The following STXBP5L variants were observed in gnomAD, a reference collection of about 807,000 sequenced individuals.
The protein encoded by STXBP5L is syntaxin-binding protein 5-like.
In STXBP5L, 65 loss-of-function variants were observed where a neutral mutation model predicts 144.5. The ratio of observed to expected loss-of-function variants is 0.45; its 90% CI spans 0.37 to 0.55. The LOEUF (loss-of-function observed/expected upper bound fraction) is 0.55. Among genes scored for constraint, STXBP5L ranks in the 20% least tolerant of loss-of-function variants. The pLI, the probability that STXBP5L is intolerant of heterozygous loss-of-function variation, is 0.00. For synonymous variants in STXBP5L, 505 were observed against 469.6 expected (o/e 1.08, Z -0.97); for missense variants, 1,298 against 1,405.5 (o/e 0.92, Z 1.22).
chr3:121,075,709 T>C (rs984559226), intron 5 of STXBP5L, among the ~76,000 whole-genome samples: 23 of 152,308 alleles, frequency 1.5e-4, no homozygotes, highest in Admixed American at 2.0e-4. Flanking sequence ...CTTTCTGATA[T>C]TGGCCTTTTT....
chr3:121,030,427 G>A (rs1946283484), intron 3 of STXBP5L, among the ~76,000 whole-genome samples: 1 of 152,060 alleles, frequency 6.6e-6, no homozygotes, highest in Non-Finnish European at 1.5e-5. Context: ...ACTAACACAG[G>A]AACAGAAAAC....
chr3:121,051,272 C>T (rs1238892356), intron 5 of STXBP5L, among the ~76,000 whole-genome samples: 14 of 152,190 alleles, frequency 9.2e-5, no homozygotes, highest in Non-Finnish European at 2.9e-5. Context: ...CCCAAATCAA[C>T]AGAATATACA....
intron 9 of STXBP5L, among the ~76,000 whole-genome samples, chr3:121,181,604 G>A (rs1344937335): frequency 6.6e-6 from 1 of 152,042 alleles, no homozygotes; most frequent in Non-Finnish European, 1.5e-5. Flanking sequence ...CATGGTCGTA[G>A]ATGCCTGTAG....
intron 22 of STXBP5L, among the ~76,000 whole-genome samples, chr3:121,389,707 C>T (rs1289763665): frequency 6.6e-6 from 1 of 152,184 alleles, no homozygotes; most frequent in African/African-American, 2.4e-5. Context: ...GAGTGAGTTT[C>T]TTAATCCTGA....
intron 7 of STXBP5L, among the ~76,000 whole-genome samples, chr3:121,137,912 A>G (rs2107926701): frequency 6.6e-6 from 1 of 152,188 alleles, no homozygotes; most frequent in East Asian, 1.9e-4. Flanking sequence ...ACAACATAAT[A>G]CTGGAAGTCC....
At chr3:121,075,352 C>G (rs979603828) in intron 5 of STXBP5L, among the ~76,000 whole-genome samples, 5 of 152,120 alleles carry the variant, frequency 3.3e-5, no homozygotes, top group Non-Finnish European at 7.4e-5. Flanking sequence ...TGACTGTGAC[C>G]ATGACCACGT....
chr3:121,107,228 C>A (rs936614366), intron 5 of STXBP5L, among the ~76,000 whole-genome samples: 14 of 151,882 alleles, frequency 9.2e-5, no homozygotes, highest in Non-Finnish European at 1.5e-4. Context: ...AATTAGATCC[C>A]GTTTGTTAAT....
chr3:120,974,440 T>C (rs956300520), intron 3 of STXBP5L, among the ~76,000 whole-genome samples: 2 of 149,326 alleles, frequency 1.3e-5, no homozygotes, highest in African/African-American at 5.0e-5. Context: ...TTCTGGATAT[T>C]AGCCCTTTGT....
Position 121,177,553 on chromosome 3 carries a change from G to A in STXBP5L, c.877+19926G>A, listed in dbSNP as rs1051120622. ...CATTAGGAAAATGTGAATTAAAACC[G>A]TAATGAAAATACCACCTCACATCCA... On this transcript the variant is annotated intron_variant, in intron 9 of 26. Coordinates refer to ENST00000471454, the MANE Select transcript of STXBP5L (RefSeq NM_001308330.2). Among the ~76,000 whole-genome samples the A allele has an allele frequency of 2.6e-5, 4 of 152,122 alleles. No homozygotes were observed. In the East Asian group the frequency reaches 5.8e-4, roughly 22 times the overall value.
chr3:121,211,241 T>C (rs1237884446), intron 10 of STXBP5L, among the ~76,000 whole-genome samples: 1 of 152,198 alleles, frequency 6.6e-6, no homozygotes, highest in South Asian at 2.1e-4. Flanking sequence ...CTGTTATTGG[T>C]GTATAGGAAT....
intron 3 of STXBP5L, among the ~76,000 whole-genome samples, chr3:121,008,096 G>A (rs773544885): frequency 2.5e-4 from 38 of 151,794 alleles, no homozygotes; most frequent in Non-Finnish European, 4.9e-4. Flanking sequence ...TTCCTACTGG[G>A]TTTATGTAGG....
chr3:120,939,237 C>T (rs575535733), intron 2 of STXBP5L, among the ~76,000 whole-genome samples: 1 of 152,088 alleles, frequency 6.6e-6, no homozygotes, highest in African/African-American at 2.4e-5. Context: ...GGATATCAGC[C>T]CTGGGTGCAA....
intron 3 of STXBP5L, among the ~76,000 whole-genome samples, chr3:120,981,520 T>C (rs907884806): frequency 2.6e-5 from 4 of 152,176 alleles, no homozygotes; most frequent in African/African-American, 9.6e-5. Flanking sequence ...AATGAATTTT[T>C]AGTTCTAGAA....
chr3:121,316,296 A>G (rs2043786555), intron 19 of STXBP5L, among the ~76,000 whole-genome samples: 1 of 152,198 alleles, frequency 6.6e-6, no homozygotes, highest in Non-Finnish European at 1.5e-5. Context: ...TCAGGAAAGT[A>G]GGTAAATTCA....
At chr3:121,329,966 A>G (rs1177534010) in intron 20 of STXBP5L, among the ~76,000 whole-genome samples, 2 of 152,230 alleles carry the variant, frequency 1.3e-5, no homozygotes, top group African/African-American at 4.8e-5. Context: ...TGCTTTTCAC[A>G]TATTTCTGTT....
chr3:120,977,457 T>C (rs1318765097), intron 3 of STXBP5L, among the ~76,000 whole-genome samples: 2 of 152,210 alleles, frequency 1.3e-5, no homozygotes, highest in East Asian at 3.8e-4. Flanking sequence ...TGAGATGGGT[T>C]TCCTGAATAC....
At chr3:121,133,187 T>G (rs76851442) in intron 7 of STXBP5L, among the ~76,000 whole-genome samples, 3 of 152,016 alleles carry the variant, frequency 2.0e-5, no homozygotes, top group Non-Finnish European at 4.4e-5. Context: ...CTGGACAACA[T>G]GACAAGACCC....
chr3:120,977,976 C>A (rs567128666), intron 3 of STXBP5L, among the ~76,000 whole-genome samples: 4 of 152,220 alleles, frequency 2.6e-5, no homozygotes, highest in Non-Finnish European at 5.9e-5. Context: ...CTGCCCTTAA[C>A]ATTTTTTCCT....
intron 3 of STXBP5L, among the ~76,000 whole-genome samples, chr3:121,038,457 C>G (rs1277829620): frequency 6.6e-6 from 1 of 151,880 alleles, no homozygotes; most frequent in Non-Finnish European, 1.5e-5. Context: ...TGGTCAGAAA[C>G]TATACTCTTT....
Sources: allele counts gnomAD v4.1 joint callset (sites outside exome capture counted in the v4.1 genomes callset), GRCh38; gene constraint gnomAD v4.1.1; transcripts MANE v1.5; gene names NCBI Gene and HGNC (gene_info 2026-07-23, HGNC 2026-07-21).